The following GALNTL6 variants were observed in gnomAD, a reference collection of about 807,000 sequenced individuals.
GALNTL6 encodes polypeptide N-acetylgalactosaminyltransferase like 6.
A neutral mutation model predicts 73.7 loss-of-function variants in GALNTL6; 46 were observed. That is an observed-to-expected ratio of 0.62 (90% CI 0.49 to 0.80). The LOEUF (loss-of-function observed/expected upper bound fraction) is 0.80. Among genes scored for constraint, GALNTL6 ranks in the 30% least tolerant of loss-of-function variants. The probability of loss-of-function intolerance (pLI) is 0.00; values close to 1 mark genes in which losing one functional copy is unlikely to be tolerated. For synonymous variants in GALNTL6, 259 were observed against 263.7 expected, an observed-to-expected ratio of 0.98 and a Z score of 0.17; for missense variants, 604 against 755.0, an observed-to-expected ratio of 0.80 and a Z score of 2.34.
At chr4:171,828,193 C>T (rs537525697) in intron 2 of GALNTL6, among the ~76,000 whole-genome samples, 8 of 152,310 alleles carry the variant, frequency 5.3e-5, no homozygotes, top group Admixed American at 2.0e-4. Flanking sequence ...GCAGGAATTT[C>T]ATAGCCACTC....
At chr4:172,410,864 T>C (rs1176638335) in intron 5 of GALNTL6, among the ~76,000 whole-genome samples, 3 of 152,054 alleles carry the variant, frequency 2.0e-5, no homozygotes, top group African/African-American at 4.8e-5. Context: ...TACCCCCTCA[T>C]GTCAACAAAG....
chr4:173,029,610 T>C (rs1179304548), intron 12 of GALNTL6, among the ~76,000 whole-genome samples: 4 of 152,218 alleles, frequency 2.6e-5, no homozygotes, highest in Non-Finnish European at 1.5e-5. Context: ...TTAGCCTGAG[T>C]TGATTGATTT....
chr4:172,022,840 G>A (rs916768109), intron 2 of GALNTL6, among the ~76,000 whole-genome samples: 5 of 151,896 alleles, frequency 3.3e-5, no homozygotes, highest in Non-Finnish European at 5.9e-5. Context: ...ATCTCAATTA[G>A]ATTTATTAGC....
In GALNTL6 at chr4:172,865,675, ACCT is replaced by A. The variant is rs575091000; in HGVS notation, c.924-17110_924-17108del. Among the ~76,000 whole-genome samples, 24 of 151,824 alleles carry A rather than the reference ACCT, an allele frequency of 1.6e-4. No homozygotes were observed. The South Asian group carries it at 3.3e-3, about 21-fold the overall frequency. ...AAAATACTTTAGCCCATTTTATATC[ACCT>A]CCTCTGTCTCTGTCTCTTCTCTTGG... On this transcript the variant is annotated intron_variant, in intron 7 of 12. Transcript: ENST00000506823.
At chr4:172,387,957 A>ACT (rs1255052897) in intron 5 of GALNTL6, among the ~76,000 whole-genome samples, 2 of 151,884 alleles carry the variant, frequency 1.3e-5, no homozygotes, top group Non-Finnish European at 2.9e-5. Context: ...ATACATTTCC[A>ACT]CTCCACAATC....
chr4:171,909,144 TAATA>T (rs34316166), intron 2 of GALNTL6, among the ~76,000 whole-genome samples: 5 of 128,496 alleles, frequency 3.9e-5, no homozygotes, highest in African/African-American at 8.5e-5. Context: ...TAAAGTATAA[TAATA>T]AATAAATAAA....
intron 5 of GALNTL6, among the ~76,000 whole-genome samples, chr4:172,495,178 G>A (rs1437101779): frequency 2.0e-5 from 3 of 152,178 alleles, no homozygotes; most frequent in Non-Finnish European, 4.4e-5. Context: ...TGAAGGGTAA[G>A]ACTCACAAGT....
chr4:172,693,928 A>G (rs1186097851), intron 5 of GALNTL6, among the ~76,000 whole-genome samples: 3 of 152,218 alleles, frequency 2.0e-5, no homozygotes, highest in African/African-American at 4.8e-5. Context: ...ACTGTCCACT[A>G]TATGCAAATC....
At chr4:172,799,186 A>G (rs1236391277) in intron 5 of GALNTL6, among the ~76,000 whole-genome samples, 1 of 152,218 alleles carries the variant, frequency 6.6e-6, no homozygotes. Flanking sequence ...CACAGCTAAG[A>G]TGAGAAGAGA....
At chr4:172,399,241 A>G (rs1237246474) in intron 5 of GALNTL6, among the ~76,000 whole-genome samples, 8 of 152,156 alleles carry the variant, frequency 5.3e-5, no homozygotes, top group Admixed American at 3.9e-4. Context: ...TTACATATAC[A>G]TATATAACCA....
intron 2 of GALNTL6, among the ~76,000 whole-genome samples, chr4:172,128,365 T>C (rs1323201167): frequency 1.3e-5 from 2 of 152,084 alleles, no homozygotes. Context: ...AGATAAAACA[T>C]ACAAGAGGCA....
At chr4:172,705,285 AT>A (rs1431172472) in intron 5 of GALNTL6, among the ~76,000 whole-genome samples, 3 of 142,098 alleles carry the variant, frequency 2.1e-5, no homozygotes, top group Non-Finnish European at 4.6e-5. Context: ...TTTTGTAGTT[AT>A]TTTTTCTGGT....
intron 3 of GALNTL6, among the ~76,000 whole-genome samples, chr4:172,260,554 C>T (rs1738223271): frequency 6.6e-6 from 1 of 151,296 alleles, no homozygotes; most frequent in East Asian, 1.9e-4. Flanking sequence ...TGGCAAACAG[C>T]TACAGTTTGA....
chr4:172,918,980 T>A (rs1196240881), intron 8 of GALNTL6, among the ~76,000 whole-genome samples: 5 of 152,200 alleles, frequency 3.3e-5, no homozygotes, highest in Admixed American at 2.0e-4. Flanking sequence ...TAATATTGCT[T>A]AAAAAACTAA....
intron 3 of GALNTL6, among the ~76,000 whole-genome samples, chr4:172,255,499 T>C (rs1173449314): frequency 6.6e-6 from 1 of 151,502 alleles, no homozygotes; most frequent in Non-Finnish European, 1.5e-5. Context: ...TTACTCCAAT[T>C]AATAACTAGT....
chr4:172,757,824 T>A (rs1378339477), intron 5 of GALNTL6, among the ~76,000 whole-genome samples: 2 of 152,204 alleles, frequency 1.3e-5, no homozygotes, highest in African/African-American at 4.8e-5. Context: ...TTTTTTCTGT[T>A]TATCTTGTCA....
rs138357821 is a variant in GALNTL6 at position 172,195,147 on chromosome 4, C to T, written c.139-34509C>T. 1.1e-3 allele frequency among the ~76,000 whole-genome samples: 164 copies of T among 152,004 alleles called. 1 individual carries two copies. The highest frequency in any genetic ancestry group is 3.6e-3 in the African/African-American group (151 of 41,458). On this transcript the variant is annotated intron_variant, in intron 2 of 12. Coordinates refer to ENST00000506823, the MANE Select transcript of GALNTL6 (RefSeq NM_001034845.3). ...AGCCAAAAAAGCATGGGCTGCAATC[C>T]TAATTACTGACAAAACAGCCTTAAA...
At chr4:172,023,376 A>G (rs1286757832) in intron 2 of GALNTL6, among the ~76,000 whole-genome samples, 2 of 151,982 alleles carry the variant, frequency 1.3e-5, no homozygotes, top group African/African-American at 2.4e-5. Context: ...TGTTTTCTCC[A>G]TAACTGCTAT....
At chr4:172,484,347 A>G (rs1733599205) in intron 5 of GALNTL6, among the ~76,000 whole-genome samples, 1 of 152,184 alleles carries the variant, frequency 6.6e-6, no homozygotes, top group Admixed American at 6.5e-5. Flanking sequence ...GACCACTTTT[A>G]TAATATTTAA....
Sources: gnomAD v4.1 joint callset for allele counts (sites outside exome capture counted in the v4.1 genomes callset) on GRCh38, gnomAD v4.1.1 for gene constraint, MANE v1.5 for transcripts, NCBI Gene and HGNC (gene_info 2026-07-23, HGNC 2026-07-21) for gene names.